Variants in TSPAN9 observed in about 807,000 individuals in gnomAD.
TSPAN9 encodes the protein tetraspanin-9.
A neutral mutation model predicts 31.0 loss-of-function variants in TSPAN9; 16 were observed. The ratio of observed to expected loss-of-function variants is 0.52; its 90% CI spans 0.35 to 0.78. The LOEUF (loss-of-function observed/expected upper bound fraction) is 0.78, where lower values mean the gene tolerates loss of function less well. Among genes scored for constraint, TSPAN9 ranks in the 30% least tolerant of loss-of-function variants. The pLI is 0.01. For synonymous variants in TSPAN9, 145 were observed against 121.6 expected (o/e 1.19, Z -1.27); for missense variants, 272 against 312.5 (o/e 0.87, Z 0.98).
intron 2 of TSPAN9, among the ~76,000 whole-genome samples, chr12:3,152,647 G>A (rs2098340391): frequency 1.3e-5 from 2 of 152,070 alleles, no homozygotes; most frequent in Non-Finnish European, 2.9e-5. Flanking sequence ...GTGCAGTGGC[G>A]CGATCTTGGC....
At chr12:3,160,070 C>A (rs1233162458) in intron 2 of TSPAN9, among the ~76,000 whole-genome samples, 3 of 152,202 alleles carry the variant, frequency 2.0e-5, no homozygotes, top group East Asian at 1.9e-4. Flanking sequence ...CCACTGGAAG[C>A]CATTCTCTAT....
At chr12:3,152,259 CG>C (rs1248124033) in intron 2 of TSPAN9, among the ~76,000 whole-genome samples, 2 of 152,222 alleles carry the variant, frequency 1.3e-5, no homozygotes, top group African/African-American at 4.8e-5. Context: ...GAGGCTGCTG[CG>C]GGGTCAGCCC....
In TSPAN9 at chr12:3,262,239, G is replaced by A. The variant is rs971223186; in HGVS notation, c.64-16182G>A. Among the ~76,000 whole-genome samples, 7 of 152,318 alleles carry A rather than the reference G, an allele frequency of 4.6e-5. No homozygotes were observed. In the South Asian group the frequency reaches 1.5e-3, roughly 32 times the overall value. ...CACCCTAAATCCCTCCACTTGCAGT[G>A]TTATTTCTTTTGGCTCCCGTGCCAG... On this transcript the variant is annotated intron_variant, in intron 3 of 8. Transcript: ENST00000011898.
intron 1 of TSPAN9, among the ~76,000 whole-genome samples, chr12:3,083,018 G>C (rs773909309): frequency 1.3e-5 from 2 of 152,164 alleles, no homozygotes; most frequent in African/African-American, 2.4e-5. Flanking sequence ...GGCTTTCTCC[G>C]GAGTCATGTT....
intron 3 of TSPAN9, among the ~76,000 whole-genome samples, chr12:3,201,797 C>A (rs1436192316): frequency 6.6e-6 from 1 of 152,188 alleles, no homozygotes; most frequent in Non-Finnish European, 1.5e-5. Flanking sequence ...GAGGAGGAGC[C>A]CCTGGCTCAA....
chr12:3,238,586 C>G (rs2153976901), intron 3 of TSPAN9, among the ~76,000 whole-genome samples: 1 of 152,354 alleles, frequency 6.6e-6, no homozygotes, highest in African/African-American at 2.4e-5. Flanking sequence ...ACGGCCCTGG[C>G]TGAGAGTTGG....
intron 3 of TSPAN9, among the ~76,000 whole-genome samples, chr12:3,226,796 T>A (rs1381153190): frequency 6.7e-5 from 4 of 59,298 alleles, no homozygotes; most frequent in African/African-American, 2.6e-4. Flanking sequence ...ATATATATAT[T>A]TTTTTTTTTT....
At chr12:3,181,350 CTG>C (rs976213421) in intron 2 of TSPAN9, among the ~76,000 whole-genome samples, 3 of 152,140 alleles carry the variant, frequency 2.0e-5, no homozygotes, top group Non-Finnish European at 4.4e-5. Context: ...GACAAGGAAA[CTG>C]AGATGCAGAG....
chr12:3,204,464 T>C (rs577107752), intron 3 of TSPAN9, among the ~76,000 whole-genome samples: 2 of 152,296 alleles, frequency 1.3e-5, no homozygotes, highest in South Asian at 4.1e-4. Context: ...ATGGTCCTCC[T>C]CCTTACTAAG....
intron 2 of TSPAN9, among the ~76,000 whole-genome samples, chr12:3,144,881 A>G (rs1565591683): frequency 6.6e-6 from 1 of 152,228 alleles, no homozygotes; most frequent in Admixed American, 6.5e-5. Context: ...TTGCATTTAA[A>G]CCATAGCTGC....
intron 2 of TSPAN9, among the ~76,000 whole-genome samples, chr12:3,133,602 C>T (rs1453766230): frequency 1.3e-5 from 2 of 152,142 alleles, no homozygotes; most frequent in African/African-American, 2.4e-5. Flanking sequence ...ACAACACCAG[C>T]AGGCTGAGTG....
rs1276958096 is a variant in TSPAN9 at position 3,198,325 on chromosome 12, C to T, written c.-17-2852C>T. 5.6e-5 allele frequency among the ~76,000 whole-genome samples: 7 copies of T among 124,734 alleles called. No individual in the cohort carries two copies. In the East Asian group the frequency reaches 1.6e-3, roughly 29 times the overall value. The allele number at this position is 124,734 out of a possible 152,430, so 81.8% of individuals were successfully genotyped here. ...CAGGCCACCACCAGCACCATCAGCA[C>T]AGGCCACCACCAGCACAGCTCACCG... On this transcript the variant is annotated intron_variant, in intron 2 of 8. Transcript: ENST00000011898.
chr12:3,216,142 A>C (rs1591683012), intron 3 of TSPAN9, among the ~76,000 whole-genome samples: 1 of 150,492 alleles, frequency 6.6e-6, no homozygotes, highest in African/African-American at 2.5e-5. Flanking sequence ...TCCCCACCCC[A>C]CCCCCACCCC....
At chr12:3,234,863 A>C (rs1399803459) in intron 3 of TSPAN9, among the ~76,000 whole-genome samples, 1 of 151,958 alleles carries the variant, frequency 6.6e-6, no homozygotes. Context: ...TTTAGGAAAA[A>C]AATATAGGTA....
chr12:3,163,184 C>T (rs950248522), intron 2 of TSPAN9, among the ~76,000 whole-genome samples: 3 of 152,208 alleles, frequency 2.0e-5, no homozygotes, highest in Admixed American at 6.5e-5. Context: ...TGCTTTTCTA[C>T]CTTGAGCTCA....
intron 2 of TSPAN9, among the ~76,000 whole-genome samples, chr12:3,092,212 C>T (rs1419917967): frequency 2.0e-5 from 3 of 152,144 alleles, no homozygotes; most frequent in South Asian, 2.1e-4. Context: ...GCCAGGCCCT[C>T]CCTGACTCCT....
intron 3 of TSPAN9, among the ~76,000 whole-genome samples, chr12:3,259,823 T>G (rs780540334): frequency 1.3e-5 from 2 of 152,130 alleles, no homozygotes; most frequent in Non-Finnish European, 1.5e-5. Flanking sequence ...CAAAAACCAC[T>G]GGAGAAATTT....
chr12:3,134,503 T>C (rs1197730255), intron 2 of TSPAN9, among the ~76,000 whole-genome samples: 1 of 152,190 alleles, frequency 6.6e-6, no homozygotes, highest in Admixed American at 6.5e-5. Context: ...CCTCATTCTG[T>C]CTGTCCTGCC....
chr12:3,140,208 T>C (rs960511237), intron 2 of TSPAN9, among the ~76,000 whole-genome samples: 2 of 152,184 alleles, frequency 1.3e-5, no homozygotes, highest in Non-Finnish European at 2.9e-5. Context: ...AGTAATGCTG[T>C]AGCGGTTGAC....
Sources: allele counts gnomAD v4.1 joint callset (sites outside exome capture counted in the v4.1 genomes callset), GRCh38; gene constraint gnomAD v4.1.1; transcripts MANE v1.5; gene names NCBI Gene and HGNC (gene_info 2026-07-23, HGNC 2026-07-21).